Variants in DMBT1 observed in about 807,000 individuals in gnomAD.
DMBT1 encodes the protein scavenger receptor cysteine-rich domain-containing protein DMBT1.
In DMBT1, 198 loss-of-function variants were observed where a neutral mutation model predicts 252.9. The observed-to-expected ratio is 0.78, with a 90% CI of 0.70 to 0.88. DMBT1 has a LOEUF of 0.88. DMBT1 is among the 40% of genes least tolerant of loss of function. The pLI, the probability that DMBT1 is intolerant of heterozygous loss-of-function variation, is 0.00. For synonymous variants in DMBT1, 990 were observed against 942.7 expected (o/e 1.05, Z -0.92); for missense variants, 2,432 against 2,404.7 (o/e 1.01, Z -0.24).
intron 9 of DMBT1, 37 bp from the exon 10 acceptor site, chr10:122,579,541 A>T (rs768210873): frequency 1.9e-6 from 3 of 1,612,198 alleles, no homozygotes; most frequent in Admixed American, 3.3e-5. Flanking sequence ...TGACCTCATG[A>T]TAGGGATGGA....
At position 122,631,880 on chromosome 10, in the gene DMBT1, G is replaced by A; in HGVS notation, c.6367+5G>A. ...GAAACCATCTATCGACACCTGGTAA[G>A]TCCCTCCGATTTCCATTCCACTTCC... On this transcript the variant is annotated splice_donor_5th_base_variant and intron_variant, in intron 50 of 55. Coordinates refer to ENST00000338354, the MANE Select transcript of DMBT1 (RefSeq NM_001377530.1). The A allele has an allele frequency of 1.2e-6, 2 of 1,613,770 alleles. No homozygotes were observed. The highest frequency in any genetic ancestry group is 4.5e-5 in the East Asian group (2 of 44,880).
intron 26 of DMBT1, among the ~76,000 whole-genome samples, chr10:122,599,757 T>C (rs2097922672): frequency 1.3e-5 from 2 of 152,048 alleles, no homozygotes; most frequent in African/African-American, 2.4e-5. Flanking sequence ...TTGGCTGGAG[T>C]GGCTTCCTCA....
Position 122,570,749 on chromosome 10 carries a change from G to A in DMBT1, c.140-141G>A, listed in dbSNP as rs2097654154. The stretch of plus-strand genomic sequence containing the variant: ...AGCCAGTACGGTAACACAGTGATTG[G>A]CACATGGTTGGCTTTTAGCAATGGA... On this transcript the variant is annotated intron_variant, in intron 3 of 55. Transcript: ENST00000338354. 3 of 1,039,820 alleles carry A rather than the reference G, an allele frequency of 2.9e-6. No individual in the cohort carries two copies. The South Asian group carries it at 4.1e-5, about 14-fold the overall frequency. The allele number at this position is 1,039,820 out of a possible 1,614,324, so 64.4% of individuals were successfully genotyped here.
intron 46 of DMBT1, among the ~76,000 whole-genome samples, chr10:122,626,194 G>A (rs1470379319): frequency 6.6e-6 from 1 of 152,184 alleles, no homozygotes; most frequent in Non-Finnish European, 1.5e-5. Context: ...AGCTTTAGGA[G>A]GAAGAAGGGA....
chr10:122,637,236 A>T lies in DMBT1; in HGVS notation c.6866A>T (p.Tyr2289Phe), dbSNP rs2098234112. 1.9e-6 allele frequency: 3 copies of T among 1,613,982 alleles called. No individual in the cohort carries two copies. Among genetic ancestry groups the T allele is most frequent in the Non-Finnish European group, 2.5e-6 (3 of 1,179,888 alleles). ...DLVISTWNGY[Y>F]ECRPQITPNL... ...GTCATTTCCACCTGGAATGGATACTACGAGTGTCGGCCCCAGATAACGCCG... is the reference window on the plus strand; with the variant it reads ...GTCATTTCCACCTGGAATGGATACTTCGAGTGTCGGCCCCAGATAACGCCG... The change falls in exon 54 of 56, where the codon TAC becomes TTC. Residue 2289 changes from tyrosine (Y) to phenylalanine (F), a missense_variant. Transcript: ENST00000338354.
At chr10:122,633,135 T>A in intron 51 of DMBT1, 56 bp from the exon 52 acceptor site, 1 of 1,584,614 alleles carries the variant, frequency 6.3e-7, no homozygotes, top group Non-Finnish European at 8.6e-7. Flanking sequence ...AGTCCGCAGG[T>A]AGACTGTGCA....
Position 122,601,010 on chromosome 10 carries a change from T to C in DMBT1, c.3330T>C (p.His1110=), listed in dbSNP as rs1489055433. 1 of 962,742 alleles carries C rather than the reference T, an allele frequency of 1.0e-6. No homozygotes were observed. The highest frequency in any genetic ancestry group is 1.6e-6 in the Non-Finnish European group (1 of 609,914). The allele number at this position is 962,742 out of a possible 1,614,324, so 59.6% of individuals were successfully genotyped here. A position where few individuals can be genotyped will look rare whatever the true frequency, so the allele number is the denominator to read the frequency against. The change falls in exon 28 of 56, where the codon CAT becomes CAC. Residue 1110 remains histidine (H), a synonymous_variant. Transcript: ENST00000338354. ...TPSPDTWPTS[H]ASTAGSESSL... is the part of the protein sequence containing the mutation. Reference sequence around the variant, plus strand: ...TTACAGACACTTGGCCAACCTCACATGCATCAACAGCAGGTAAATAATCCT... The same window carrying C: ...TTACAGACACTTGGCCAACCTCACACGCATCAACAGCAGGTAAATAATCCT...
chr10:122,620,338 G>A, intron 43 of DMBT1, 47 bp downstream of exon 43: 1 of 1,594,650 alleles, frequency 6.3e-7, no homozygotes, highest in East Asian at 2.2e-5. Context: ...TCTACCTCTG[G>A]ACAAACGTTT....
chr10:122,619,623 T>C lies in DMBT1; in HGVS notation c.5245+286T>C, dbSNP rs913242890. ...AAGTGGCCTCATGTTTAATGAGCTTTAGCTCATTTATATTCAGAGCTGATA... is the reference window on the plus strand; with the variant it reads ...AAGTGGCCTCATGTTTAATGAGCTTCAGCTCATTTATATTCAGAGCTGATA... On this transcript the variant is annotated intron_variant, in intron 42 of 55. Transcript: ENST00000338354. 2.6e-5 allele frequency among the ~76,000 whole-genome samples: 4 copies of C among 152,234 alleles called. 1 individual carries two copies. The highest frequency in any genetic ancestry group is 4.1e-4 in the South Asian group (2 of 4,832).
chr10:122,579,705 T>A lies in DMBT1; in HGVS notation c.807T>A (p.Asn269Lys), dbSNP rs754896794. The change falls in exon 10 of 56, where the codon AAT becomes AAA. Residue 269 changes from asparagine (N) to lysine (K), a missense_variant. Coordinates refer to ENST00000338354, the MANE Select transcript of DMBT1 (RefSeq NM_001377530.1). ...ACTACTGGGACACCAATGATGCCAA[T>A]GTGGTCTGCAGGCAGCTGGGCTGTG... ...CDDYWDTNDA[N>K]VVCRQLGCGW... 1 of 1,613,744 alleles carries A rather than the reference T, an allele frequency of 6.2e-7. No homozygotes were observed. Among genetic ancestry groups the A allele is most frequent in the Admixed American group, 1.7e-5 (1 of 60,000 alleles).
rs2098067277 is a variant in DMBT1 at position 122,621,405 on chromosome 10, C to A, written c.5608+25C>A. 7 of 1,613,642 alleles carry A rather than the reference C, an allele frequency of 4.3e-6. No homozygotes were observed. The Middle Eastern group carries it at 4.9e-4, about 114-fold the overall frequency. The stretch of plus-strand genomic sequence containing the variant: ...GGTGGGCCTTCAAGACCTGGGGCTC[C>A]CTCTCTTGGGGTGGAGTTTGCTCCA... On this transcript the variant is annotated intron_variant, in intron 44 of 55. Transcript: ENST00000338354.
chr10:122,591,419 C>G, intron 18 of DMBT1, 60 bp from the exon 19 acceptor site: 1 of 1,515,090 alleles, frequency 6.6e-7, no homozygotes, highest in Non-Finnish European at 9.1e-7. Context: ...GAGACCTTTC[C>G]TTTTGGAGCT....
chr10:122,590,836 G>C, intron 18 of DMBT1, 142 bp downstream of exon 18: 1 of 1,082,678 alleles, frequency 9.2e-7, no homozygotes, highest in Non-Finnish European at 1.4e-6. Flanking sequence ...TGAGACCCTA[G>C]CATGGAGCTT....
chr10:122,578,772 C>G lies in DMBT1; in HGVS notation c.679+13C>G, dbSNP rs749472994. ...GTACCCACAGAAGGTAAAGAATCCT[C>G]TCAACACTCCCTGGGGCTCACTTTC... On this transcript the variant is annotated intron_variant, in intron 9 of 55. Coordinates refer to ENST00000338354, the MANE Select transcript of DMBT1 (RefSeq NM_001377530.1). 2 of 1,602,546 alleles carry G rather than the reference C, an allele frequency of 1.2e-6. No individual in the cohort carries two copies. The highest frequency in any genetic ancestry group is 3.4e-5 in the Admixed American group (2 of 58,896).
Position 122,573,398 on chromosome 10 carries a change from C to T in DMBT1, c.236-317C>T, listed in dbSNP as rs117955648. On this transcript the variant is annotated intron_variant, in intron 5 of 55. Coordinates refer to ENST00000338354, the MANE Select transcript of DMBT1 (RefSeq NM_001377530.1). ...AAGGGTGTGTTTGAGCCATAGAAAC[C>T]GCCAGATGTCTTTTGACATTCAATC... 5.8e-3 allele frequency among the ~76,000 whole-genome samples: 889 copies of T among 152,284 alleles called. 48 individuals are homozygous for T. The East Asian group carries it at 0.13, about 22-fold the overall frequency.
At chr10:122,577,355 G>A (rs188059728) in intron 7 of DMBT1, among the ~76,000 whole-genome samples, 3 of 152,332 alleles carry the variant, frequency 2.0e-5, no homozygotes, top group African/African-American at 4.8e-5. Context: ...AGTGGGGTAA[G>A]GGTGGGAGGA....
chr10:122,629,446 ACT>A lies in DMBT1; in HGVS notation c.5669-393_5669-392del, dbSNP rs1388740605. 3.3e-5 allele frequency among the ~76,000 whole-genome samples: 5 copies of A among 152,308 alleles called. No individual in the cohort carries two copies. The East Asian group carries it at 9.6e-4, about 29-fold the overall frequency. On this transcript the variant is annotated intron_variant, in intron 46 of 55. Transcript: ENST00000338354. ...GCTCATGGAAGACGCTAGGGAACAC[ACT>A]GTGTTATGGAGTGCTCTCCACGGGT...
chr10:122,592,692 CTA>C (rs886758512), intron 20 of DMBT1, 97 bp downstream of exon 20: 1 of 1,537,288 alleles, frequency 6.5e-7, no homozygotes, highest in Non-Finnish European at 8.8e-7. Context: ...AAAGATTCTT[CTA>C]TGTTTCCTAT....
rs752446602 is a variant in DMBT1 at position 122,631,868 on chromosome 10, G to A, written c.6360G>A (p.Ser2120=). The A allele has an allele frequency of 4.3e-6, 7 of 1,613,592 alleles. No homozygotes were observed. The South Asian group carries it at 4.4e-5, about 10-fold the overall frequency. ...TTCCTTTTTCAGGAAACCATCTATCGACACCTGGTAAGTCCCTCCGATTTC... is the reference window on the plus strand; with the variant it reads ...TTCCTTTTTCAGGAAACCATCTATCAACACCTGGTAAGTCCCTCCGATTTC... ...AGVICSGNHL[S]TPAPFLNITR... Residue 2120 remains serine (S), a synonymous_variant, in exon 50 of 56, where the codon TCG becomes TCA. Coordinates refer to ENST00000338354, the MANE Select transcript of DMBT1 (RefSeq NM_001377530.1).
Sources: allele counts gnomAD v4.1 joint callset (sites outside exome capture counted in the v4.1 genomes callset), GRCh38; gene constraint gnomAD v4.1.1; transcripts MANE v1.5; gene names NCBI Gene and HGNC (gene_info 2026-07-23, HGNC 2026-07-21).